PRKCE: variants seen among roughly 807,000 people sequenced by gnomAD.
The protein encoded by PRKCE is protein kinase C epsilon.
PRKCE carries 16 observed loss-of-function variants against 85.4 expected under a neutral mutation model. The observed-to-expected ratio is 0.19, with a 90% confidence interval of 0.13 to 0.28. PRKCE has a LOEUF of 0.28. PRKCE is among the 10% of genes least tolerant of loss of function. PRKCE has a pLI of 1.00. For synonymous variants in PRKCE, 388 were observed against 371.5 expected, an observed-to-expected ratio of 1.04 and a Z score of -0.51; for missense variants, 573 against 975.2, an observed-to-expected ratio of 0.59 and a Z score of 5.49.
Position 45,965,826 on chromosome 2 carries a change from G to A in PRKCE, c.413-10603G>A, listed in dbSNP as rs187316761. Among the ~76,000 whole-genome samples the A allele has an allele frequency of 2.6e-3, 398 of 151,798 alleles. 2 individuals carry two copies. The highest frequency in any genetic ancestry group is 9.1e-3 in the African/African-American group (376 of 41,358). ...TTTATACAAATAAATACACACTATCGACATGTTTCTTAGTTTTCTTTTTCT... is the reference window on the plus strand; with the variant it reads ...TTTATACAAATAAATACACACTATCAACATGTTTCTTAGTTTTCTTTTTCT... On this transcript the variant is annotated intron_variant, in intron 2 of 14. Transcript: ENST00000306156.
intron 2 of PRKCE, among the ~76,000 whole-genome samples, chr2:45,961,850 G>A (rs2711306): frequency 1.3e-5 from 2 of 151,928 alleles, no homozygotes; most frequent in Non-Finnish European, 2.9e-5. Flanking sequence ...CATGTGCCGC[G>A]AAGCCCAGCT....
At chr2:45,724,634 G>A (rs1417950181) in intron 1 of PRKCE, among the ~76,000 whole-genome samples, 2 of 152,236 alleles carry the variant, frequency 1.3e-5, no homozygotes, top group Non-Finnish European at 2.9e-5. Context: ...GAAATTAAAA[G>A]TATTGCTCCA....
intron 11 of PRKCE, among the ~76,000 whole-genome samples, chr2:46,125,467 A>G (rs950635641): frequency 6.6e-6 from 1 of 152,340 alleles, no homozygotes; most frequent in East Asian, 1.9e-4. Flanking sequence ...TATTTTCTCA[A>G]GTCGGTATAT....
chr2:45,739,562 T>TA (rs957655792), intron 1 of PRKCE, among the ~76,000 whole-genome samples: 4 of 152,032 alleles, frequency 2.6e-5, no homozygotes, highest in African/African-American at 9.7e-5. Flanking sequence ...GACGTTTATA[T>TA]AAAAAAAATT....
intron 2 of PRKCE, among the ~76,000 whole-genome samples, chr2:45,843,469 G>C (rs1195501483): frequency 6.6e-6 from 1 of 152,216 alleles, no homozygotes; most frequent in Non-Finnish European, 1.5e-5. Context: ...ATCTTCTTTA[G>C]AGCTTTGATA....
chr2:45,836,480 G>A (rs1690886412), intron 1 of PRKCE, among the ~76,000 whole-genome samples: 1 of 152,238 alleles, frequency 6.6e-6, no homozygotes. Flanking sequence ...GTTGCTCATT[G>A]TATTGCCTCA....
In PRKCE at chr2:45,933,464, CTTTTTTTTTT is replaced by C. The variant is rs59991455; in HGVS notation, c.413-42947_413-42938del. Among the ~76,000 whole-genome samples the C allele has an allele frequency of 6.7e-3, 439 of 65,352 alleles. 4 individuals carry two copies. The highest frequency in any genetic ancestry group is 0.025 in the African/African-American group (413 of 16,226). The allele number at this position is 65,352 out of a possible 152,430, so 42.9% of individuals were successfully genotyped here. A position where few individuals can be genotyped will look rare whatever the true frequency, so the allele number is the denominator to read the frequency against. On this transcript the variant is annotated intron_variant, in intron 2 of 14. Transcript: ENST00000306156. ...TTTTACCTTTCACCTCATATGCCTG[CTTTTTTTTTT>C]TTTTTTTTTTTTTTTTTGAGACTGA...
rs879862102 is a variant in PRKCE at position 45,903,919 on chromosome 2, T to TTTGTTTG, written c.412+60858_412+60859insGTTTGTT. Among the ~76,000 whole-genome samples the TTTGTTTG allele has an allele frequency of 1.3e-3, 183 of 138,066 alleles. 4 individuals are homozygous for TTTGTTTG. The highest frequency in any genetic ancestry group is 3.6e-3 in the Middle Eastern group (1 of 274). 90.6% of individuals were successfully genotyped at this position (138,066 alleles called of 152,430 possible). A position where few individuals can be genotyped will look rare whatever the true frequency, so the allele number is the denominator to read the frequency against. ...TGTTTGTTTGTTTGTTTGTTTGTTTTTTTTGGCAGGGTCTCACTCTGTTGC... is the reference window on the plus strand; with the variant it reads ...TGTTTGTTTGTTTGTTTGTTTGTTTTTTGTTTGTTTTGGCAGGGTCTCACTCTGTTGC... On this transcript the variant is annotated intron_variant, in intron 2 of 14. Coordinates refer to ENST00000306156, the MANE Select transcript of PRKCE (RefSeq NM_005400.3).
At chr2:45,664,384 A>C (rs1276100620) in intron 1 of PRKCE, among the ~76,000 whole-genome samples, 1 of 152,246 alleles carries the variant, frequency 6.6e-6, no homozygotes, top group African/African-American at 2.4e-5. Context: ...ACCTTATAGC[A>C]AGTTTGCGAT....
chr2:46,047,707 C>G (rs1263649375), intron 10 of PRKCE, among the ~76,000 whole-genome samples: 1 of 152,202 alleles, frequency 6.6e-6, no homozygotes, highest in Admixed American at 6.5e-5. Context: ...TTTCCCCTCC[C>G]CTTATTTACT....
At chr2:45,910,226 A>G (rs925540642) in intron 2 of PRKCE, among the ~76,000 whole-genome samples, 2 of 152,180 alleles carry the variant, frequency 1.3e-5, no homozygotes, top group African/African-American at 4.8e-5. Flanking sequence ...CTGGAGCCTC[A>G]CCTTAAGTGT....
chr2:45,685,639 C>G (rs1043649335), intron 1 of PRKCE: 6 of 151,742 alleles, frequency 4.0e-5, no homozygotes, highest in African/African-American at 7.3e-5. Flanking sequence ...AAAAAAAATA[C>G]AAAAATTAGC....
At chr2:45,869,772 A>T (rs1002413407) in intron 2 of PRKCE, among the ~76,000 whole-genome samples, 3 of 131,520 alleles carry the variant, frequency 2.3e-5, no homozygotes, top group Non-Finnish European at 4.6e-5. Context: ...CAGTGGCATG[A>T]TCTAGGCTCA....
At chr2:46,116,137 C>G (rs1233265462) in intron 11 of PRKCE, among the ~76,000 whole-genome samples, 1 of 152,160 alleles carries the variant, frequency 6.6e-6, no homozygotes, top group Non-Finnish European at 1.5e-5. Context: ...TCTCCCCAAC[C>G]AAATTGCTAG....
rs1037924404 is a variant in PRKCE, at chr2:45,895,290, C to T, written c.412+52227C>T. Among the ~76,000 whole-genome samples, 4 of 152,280 alleles carry T rather than the reference C, an allele frequency of 2.6e-5. No homozygotes were observed. The highest frequency in any genetic ancestry group is 4.4e-5 in the Non-Finnish European group (3 of 68,026). ...TGCCCCTTCAGTACACACACAGCTA[C>T]GGTAACAGTACCTCTCCATCCACAG... On this transcript the variant is annotated intron_variant, in intron 2 of 14. Transcript: ENST00000306156. This position sits in a 1 kb window ranked among gnomAD's most constrained non-coding sequence, Gnocchi z 4.8.
At chr2:46,106,304 C>A (rs1437444161) in intron 11 of PRKCE, among the ~76,000 whole-genome samples, 1 of 152,182 alleles carries the variant, frequency 6.6e-6, no homozygotes, top group Non-Finnish European at 1.5e-5. Flanking sequence ...CATTGCTTAT[C>A]TGTGAACTCC....
intron 11 of PRKCE, among the ~76,000 whole-genome samples, chr2:46,127,534 C>T (rs1673981230): frequency 6.6e-6 from 1 of 152,238 alleles, no homozygotes. Flanking sequence ...CACTTGATTA[C>T]TTTTCACAGT....
At chr2:46,036,410 T>C (rs1402126278) in intron 10 of PRKCE, among the ~76,000 whole-genome samples, 1 of 152,018 alleles carries the variant, frequency 6.6e-6, no homozygotes, top group Non-Finnish European at 1.5e-5. Context: ...GACCCCTATT[T>C]CCACACACAC....
chr2:45,744,712 G>A lies in PRKCE; in HGVS notation c.348+92264G>A, dbSNP rs530723725. 2.0e-5 allele frequency among the ~76,000 whole-genome samples: 3 copies of A among 151,768 alleles called. No individual in the cohort carries two copies. The East Asian group carries it at 5.8e-4, about 29-fold the overall frequency. The stretch of plus-strand genomic sequence containing the variant: ...CAACCTCCGTCTCCAGAGCTCAAGC[G>A]ATTCTCCTTCCTCAGCCTCCTAGAT... On this transcript the variant is annotated intron_variant, in intron 1 of 14. Transcript: ENST00000306156.
Sources: gnomAD v4.1 joint callset for allele counts (sites outside exome capture counted in the v4.1 genomes callset) on GRCh38, gnomAD v4.1.1 for gene constraint, Gnocchi (gnomAD v3.1) non-coding constraint, MANE v1.5 for transcripts, NCBI Gene and HGNC (gene_info 2026-07-23, HGNC 2026-07-21) for gene names.